SMARCD1: variants seen among roughly 807,000 people sequenced by gnomAD.
The protein encoded by SMARCD1 is SWI/SNF related BAF chromatin remodeling complex subunit D1, also known as SWI/SNF-related matrix-associated actin-dependent regulator of chromatin subfamily D member 1.
SMARCD1 carries 16 observed loss-of-function variants against 70.8 expected under a neutral mutation model. The observed-to-expected ratio is 0.23, with a 90% confidence interval of 0.15 to 0.34. The LOEUF is 0.34. Among genes scored for constraint, SMARCD1 ranks in the 10% least tolerant of loss-of-function variants. SMARCD1 has a pLI of 1.00. For missense variants in SMARCD1, 409 were observed against 655.5 expected, an observed-to-expected ratio of 0.62 and a Z score of 4.11; for synonymous variants, 249 against 246.0, an observed-to-expected ratio of 1.01 and a Z score of -0.11.
chr12:50,096,764 G>A, intron 10 of SMARCD1, 86 bp from the exon 11 acceptor site: 1 of 1,296,374 alleles, frequency 7.7e-7, no homozygotes, highest in Non-Finnish European at 1.1e-6. Flanking sequence ...GTTGGAAGTG[G>A]CATGTGGAGT....
intron 1 of SMARCD1, 124 bp from the exon 2 acceptor site, chr12:50,086,037 A>G: frequency 1.5e-6 from 1 of 673,604 alleles, no homozygotes; most frequent in Non-Finnish European, 2.3e-6. Context: ...TTCTCCTCTC[A>G]TTGTCCTCCA....
intron 10 of SMARCD1, among the ~76,000 whole-genome samples, chr12:50,095,913 T>C (rs575839272): frequency 6.6e-6 from 1 of 152,292 alleles, no homozygotes; most frequent in African/African-American, 2.4e-5. Context: ...TTATGTTTCA[T>C]CCCGAAGACT....
chr12:50,091,781 G>C, intron 9 of SMARCD1, among the ~76,000 whole-genome samples: 1 of 72,936 alleles, frequency 1.4e-5, no homozygotes, highest in African/African-American at 3.3e-5. Flanking sequence ...GCTTCACCAT[G>C]TTTGCCAGGC....
intron 10 of SMARCD1, among the ~76,000 whole-genome samples, chr12:50,095,219 C>T (rs921422863): frequency 6.6e-6 from 1 of 152,198 alleles, no homozygotes; most frequent in Non-Finnish European, 1.5e-5. Context: ...TTATTGTTAT[C>T]TGGGTTGTTA....
chr12:50,094,363 TC>T (rs1223971438), intron 9 of SMARCD1, 73 bp from the exon 10 acceptor site: 1 of 1,448,704 alleles, frequency 6.9e-7, no homozygotes, highest in African/African-American at 1.4e-5. Context: ...TCATCCTGGG[TC>T]ATCTTTTTGA....
Position 50,098,950 on chromosome 12 carries a change from C to T in SMARCD1, c.1498C>T (p.Gln500Ter). ...CCCTTCACTATTTTCTCCTTAGGTG[C>T]AGCAGAGACGACAAGAATTAGAGCA... ...AVCRYFYSKV[Q>*]QRRQELEQAL... Residue 500 changes from glutamine (Q) to a stop codon, truncating the protein, a stop_gained, in exon 13 of 13, where the codon CAG (glutamine) becomes TAG (stop). Coordinates refer to ENST00000394963, the MANE Select transcript of SMARCD1 (RefSeq NM_003076.5). LOFTEE classifies it high-confidence loss of function. 1 of 1,613,998 alleles carries T rather than the reference C, an allele frequency of 6.2e-7. No individual in the cohort carries two copies. The highest frequency in any genetic ancestry group is 8.5e-7 in the Non-Finnish European group (1 of 1,179,860).
At chr12:50,086,398 A>T in intron 2 of SMARCD1, 50 bp downstream of exon 2, 2 of 1,431,164 alleles carry the variant, frequency 1.4e-6, no homozygotes, top group Non-Finnish European at 1.9e-6. Flanking sequence ...CTGGGAGGAC[A>T]CAGGTGGTGG....
intron 9 of SMARCD1, among the ~76,000 whole-genome samples, chr12:50,092,644 A>G (rs76731428): frequency 0.031 from 4,712 of 152,074 alleles, 256 homozygotes; most frequent in African/African-American, 0.11. Context: ...CAACCTATAA[A>G]TTAGGTCAGT....
intron 9 of SMARCD1, among the ~76,000 whole-genome samples, chr12:50,093,361 G>A (rs1950864348): frequency 6.6e-6 from 1 of 151,890 alleles, no homozygotes; most frequent in Non-Finnish European, 1.5e-5. Context: ...TTGAGGTTTC[G>A]CCATGTTGGC....
intron 11 of SMARCD1, 129 bp from the exon 12 acceptor site, chr12:50,098,584 CA>C: frequency 1.5e-6 from 1 of 672,578 alleles, no homozygotes; most frequent in Non-Finnish European, 2.6e-6. Flanking sequence ...GTCACATTCA[CA>C]GGTACTAGGG....
At position 50,100,559 on chromosome 12, in the gene SMARCD1, G is replaced by C. The variant is rs1207890425; in HGVS notation, c.*1559G>C. 1 of 152,610 alleles carries C rather than the reference G, an allele frequency of 6.6e-6. No homozygotes were observed. The highest frequency in any genetic ancestry group is 1.5e-5 in the Non-Finnish European group (1 of 68,038). The allele number at this position is 152,610 out of a possible 1,614,324, so 9.5% of individuals were successfully genotyped here. ...CTGTTGATAACTGTTTTTATTAACTGAATTGTTTTTTTCATGGACCAAACT... is the reference window on the plus strand; with the variant it reads ...CTGTTGATAACTGTTTTTATTAACTCAATTGTTTTTTTCATGGACCAAACT... On this transcript the variant is annotated 3_prime_UTR_variant, in exon 13 of 13. Transcript: ENST00000394963.
chr12:50,092,212 CTTTTCTTTTCTTTTCTTTCTTTCTTTTT>C (rs1283202528), intron 9 of SMARCD1, among the ~76,000 whole-genome samples: 1 of 129,820 alleles, frequency 7.7e-6, no homozygotes, highest in African/African-American at 2.9e-5. Context: ...TAAGGGCTTT[CTTTTCTTTTCTTTTCTTTCTTTCTTTTT>C]TTTTTTTTTT....
Position 50,087,360 on chromosome 12 carries a change from C to T in SMARCD1, c.532-3C>T. 6.2e-7 allele frequency: 1 copy of T among 1,613,630 alleles called. No individual in the cohort carries two copies. The highest frequency in any genetic ancestry group is 8.5e-7 in the Non-Finnish European group (1 of 1,179,662). ...CGATCAATCCTGTTTCTGCCTTCCT[C>T]AGCAAAAACGGAAGCTGCGAATTTT... On this transcript the variant is annotated splice_region_variant and splice_polypyrimidine_tract_variant and intron_variant, in intron 4 of 12. Transcript: ENST00000394963.
At position 50,088,428 on chromosome 12, in the gene SMARCD1, T is replaced by C. The variant is rs646782; in HGVS notation, c.655-93T>C. On this transcript the variant is annotated intron_variant, in intron 5 of 12. Transcript: ENST00000394963. Reference sequence around the variant, plus strand: ...TCAGAAGATATTTTTTGAGTTTTTTTCCATTGTTGTTGGGGTTCCTTTTTC... The same window carrying C: ...TCAGAAGATATTTTTTGAGTTTTTTCCCATTGTTGTTGGGGTTCCTTTTTC... 271,663 of 729,562 alleles carry C rather than the reference T, an allele frequency of 0.37. 54,387 individuals are homozygous for C. Among genetic ancestry groups the C allele is most frequent in the Middle Eastern group, 0.42 (1,751 of 4,122 alleles). The allele number at this position is 729,562 out of a possible 1,614,324, so 45.2% of individuals were successfully genotyped here. A position where few individuals can be genotyped will look rare whatever the true frequency, so the allele number is the denominator to read the frequency against.
intron 9 of SMARCD1, among the ~76,000 whole-genome samples, chr12:50,093,906 A>G (rs1461388763): frequency 6.6e-6 from 1 of 152,026 alleles, no homozygotes; most frequent in Non-Finnish European, 1.5e-5. Context: ...CAGCTTCCCC[A>G]GTAGCTGGGA....
intron 3 of SMARCD1, 41 bp from the exon 4 acceptor site, chr12:50,086,715 G>A: frequency 6.2e-7 from 1 of 1,614,040 alleles, no homozygotes. Flanking sequence ...TGAGTATAGA[G>A]ATGATCATCC....
At chr12:50,088,754 G>A (rs1414357757) in intron 6 of SMARCD1, 117 bp downstream of exon 6, 25 of 531,840 alleles carry the variant, frequency 4.7e-5, no homozygotes, top group Non-Finnish European at 6.0e-5. Context: ...GGTGTACACA[G>A]TACCGCTCCA....
At chr12:50,086,600 A>G in intron 2 of SMARCD1, 21 bp from the exon 3 acceptor site, 2 of 1,612,082 alleles carry the variant, frequency 1.2e-6, no homozygotes, top group South Asian at 1.1e-5. Context: ...CCAACCTGAT[A>G]ATAGTATTTA....
intron 6 of SMARCD1, 182 bp downstream of exon 6, chr12:50,088,819 C>T (rs1010637247): frequency 3.8e-5 from 15 of 392,622 alleles, no homozygotes; most frequent in African/African-American, 3.1e-4. Flanking sequence ...TAGTTAGGAC[C>T]AAGGGCTCTT....
Sources: gnomAD v4.1 joint callset for allele counts (sites outside exome capture counted in the v4.1 genomes callset) on GRCh38, gnomAD v4.1.1 for gene constraint, MANE v1.5 for transcripts, NCBI Gene and HGNC (gene_info 2026-07-23, HGNC 2026-07-21) for gene names.